Variants in ANK2 observed in about 807,000 individuals in gnomAD.
ANK2 encodes the protein ankyrin-2.
ANK2 carries 83 observed loss-of-function variants against 360.5 expected under a neutral mutation model. That is an observed-to-expected ratio of 0.23 (90% CI 0.19 to 0.28). The LOEUF (loss-of-function observed/expected upper bound fraction) is 0.28. Ranked by LOEUF, ANK2 falls within the 10% of genes least tolerant of loss-of-function variation. The pLI, the probability that ANK2 is intolerant of heterozygous loss-of-function variation, is 1.00. For missense variants in ANK2, 4,201 were observed against 4,795.7 expected (o/e 0.88, Z 3.66); for synonymous variants, 1,740 against 1,759.5 (o/e 0.99, Z 0.28).
At chr4:113,043,509 G>A (rs1011355348) in intron 2 of ANK2, among the ~76,000 whole-genome samples, 2 of 152,098 alleles carry the variant, frequency 1.3e-5, no homozygotes, top group Admixed American at 6.6e-5. Context: ...GGGCTTAAGT[G>A]GTCTTCCTGC....
chr4:112,807,295 G>A, the ANK2 span, among the ~76,000 whole-genome samples: 1 of 152,174 alleles, frequency 6.6e-6, no homozygotes, highest in Non-Finnish European at 1.5e-5. Flanking sequence ...GAATTGAACT[G>A]AATAAGATTT....
chr4:112,917,727 C>T (rs2090310567), intron 2 of ANK2, among the ~76,000 whole-genome samples: 1 of 152,202 alleles, frequency 6.6e-6, no homozygotes, highest in Non-Finnish European at 1.5e-5. Flanking sequence ...GGTGAATTCA[C>T]ATTAAGTAAC....
At chr4:113,009,534 C>T (rs889840705) in intron 2 of ANK2, among the ~76,000 whole-genome samples, 8 of 152,060 alleles carry the variant, frequency 5.3e-5, no homozygotes, top group Non-Finnish European at 1.0e-4. Flanking sequence ...AAAAATACAT[C>T]GAGAAGATTT....
At chr4:112,996,466 A>G (rs766810001) in intron 2 of ANK2, among the ~76,000 whole-genome samples, 1 of 152,240 alleles carries the variant, frequency 6.6e-6, no homozygotes, top group Non-Finnish European at 1.5e-5. Context: ...CTCGTTTTGC[A>G]CATAAAACAT....
chr4:112,839,239 T>G (rs1487790994), intron 1 of ANK2, among the ~76,000 whole-genome samples: 1 of 152,232 alleles, frequency 6.6e-6, no homozygotes, highest in East Asian at 1.9e-4. Context: ...GGTCCCAGTT[T>G]TAAAATATAC....
At chr4:113,111,271 AC>A (rs1298417959) in intron 1 of ANK2, among the ~76,000 whole-genome samples, 1 of 152,232 alleles carries the variant, frequency 6.6e-6, no homozygotes, top group Non-Finnish European at 1.5e-5. Context: ...CATCTAGTTG[AC>A]ACTGTATAAA....
At chr4:113,131,422 TG>T (rs1226149533) in intron 1 of ANK2, among the ~76,000 whole-genome samples, 5 of 152,196 alleles carry the variant, frequency 3.3e-5, no homozygotes, top group Non-Finnish European at 7.3e-5. Context: ...GCATCTGAAT[TG>T]TCTGGGAATA....
intron 1 of ANK2, among the ~76,000 whole-genome samples, chr4:113,147,540 G>A (rs1261067558): frequency 2.6e-5 from 4 of 152,218 alleles, no homozygotes; most frequent in African/African-American, 9.7e-5. Flanking sequence ...CATTGGAAAG[G>A]TGTGGTAGAG....
chr4:113,267,831 T>G (rs149752458), intron 14 of ANK2, among the ~76,000 whole-genome samples: 2 of 152,220 alleles, frequency 1.3e-5, no homozygotes, highest in Non-Finnish European at 2.9e-5. Flanking sequence ...ATCTATAAAT[T>G]TCTTTGGGCA....
chr4:113,135,523 C>CTGTGTGTGTGTGTG (rs33960021), intron 1 of ANK2, among the ~76,000 whole-genome samples: 21 of 149,310 alleles, frequency 1.4e-4, no homozygotes, highest in Non-Finnish European at 1.9e-4. Context: ...GTGTGTCTCT[C>CTGTGTGTGTGTGTG]TGTGTGTGTG....
At chr4:113,114,882 A>G (rs1371766633) in intron 1 of ANK2, among the ~76,000 whole-genome samples, 2 of 152,178 alleles carry the variant, frequency 1.3e-5, no homozygotes, top group African/African-American at 2.4e-5. Flanking sequence ...CACCCTCACA[A>G]CAGGAAAACC....
chr4:112,766,000 T>C, the ANK2 span, among the ~76,000 whole-genome samples: 1 of 152,174 alleles, frequency 6.6e-6, no homozygotes. Context: ...TCAGCATGAC[T>C]GACACAATGT....
chr4:113,039,895 G>A (rs2062528534), intron 2 of ANK2, among the ~76,000 whole-genome samples: 1 of 151,764 alleles, frequency 6.6e-6, no homozygotes, highest in Non-Finnish European at 1.5e-5. Context: ...AAATATGGAG[G>A]CCCTAGGTTA....
At chr4:112,707,826 G>T in the ANK2 span, among the ~76,000 whole-genome samples, 1 of 152,120 alleles carries the variant, frequency 6.6e-6, no homozygotes, top group African/African-American at 2.4e-5. Context: ...GTGCGTGGAA[G>T]GTCATTGTTA....
intron 1 of ANK2, among the ~76,000 whole-genome samples, chr4:113,099,850 A>G (rs1450037840): frequency 6.6e-6 from 1 of 152,058 alleles, no homozygotes; most frequent in African/African-American, 2.4e-5. Flanking sequence ...TTTGACCAAG[A>G]TAAAAGGCAA....
At chr4:112,741,127 G>C in the ANK2 span, among the ~76,000 whole-genome samples, 1 of 151,996 alleles carries the variant, frequency 6.6e-6, no homozygotes, top group Admixed American at 6.6e-5. Flanking sequence ...ACCATGCCTG[G>C]CAAAAGTATT....
chr4:112,996,293 A>G (rs1162597908), intron 2 of ANK2, among the ~76,000 whole-genome samples: 1 of 152,160 alleles, frequency 6.6e-6, no homozygotes, highest in East Asian at 1.9e-4. Flanking sequence ...CCAGTCTACA[A>G]ACGAGCATGG....
At chr4:113,002,952 C>G (rs2051355115) in intron 2 of ANK2, among the ~76,000 whole-genome samples, 2 of 152,342 alleles carry the variant, frequency 1.3e-5, no homozygotes, top group African/African-American at 2.4e-5. Flanking sequence ...CCCACTTTGT[C>G]TCTTGGGAGA....
chr4:113,000,873 A>G (rs1358929289), intron 2 of ANK2, among the ~76,000 whole-genome samples: 1 of 147,510 alleles, frequency 6.8e-6, no homozygotes, highest in East Asian at 2.0e-4. Context: ...ATCACTGGGA[A>G]GGAGATTATC....
Sources: allele counts gnomAD v4.1 joint callset (sites outside exome capture counted in the v4.1 genomes callset), GRCh38; gene constraint gnomAD v4.1.1; transcripts MANE v1.5; gene names NCBI Gene and HGNC (gene_info 2026-07-23, HGNC 2026-07-21).